Variants in KATNA1 observed in about 807,000 individuals in gnomAD.
The protein encoded by KATNA1 is katanin p60 ATPase-containing subunit A1.
KATNA1 carries 42 observed loss-of-function variants against 62.6 expected under a neutral mutation model. The observed-to-expected ratio is 0.67, with a 90% CI of 0.52 to 0.87. KATNA1 has a LOEUF of 0.87. KATNA1 is among the 40% of genes least tolerant of loss of function. The probability of loss-of-function intolerance (pLI) is 0.00; values close to 1 mark genes in which losing one functional copy is unlikely to be tolerated. For missense variants in KATNA1, 498 were observed against 612.5 expected, an observed-to-expected ratio of 0.81 and a Z score of 1.97; for synonymous variants, 186 against 201.9, an observed-to-expected ratio of 0.92 and a Z score of 0.67.
chr6:149,640,186 T>A (rs1780226370), intron 1 of KATNA1, among the ~76,000 whole-genome samples: 1 of 152,236 alleles, frequency 6.6e-6, no homozygotes, highest in African/African-American at 2.4e-5. Context: ...CTTCAATAAA[T>A]GTTAAATGTG....
At chr6:149,647,453 G>A (rs1265276168) in intron 1 of KATNA1, among the ~76,000 whole-genome samples, 5 of 149,786 alleles carry the variant, frequency 3.3e-5, no homozygotes, top group African/African-American at 1.2e-4. Context: ...AACCCGGGAG[G>A]CGGAGGTTGC....
At chr6:149,609,814 A>AAAAAAAAAAAAAAAAAAAAAAAG (rs1562284874) in intron 4 of KATNA1, among the ~76,000 whole-genome samples, 1 of 141,558 alleles carries the variant, frequency 7.1e-6, no homozygotes, top group Admixed American at 7.2e-5. Flanking sequence ...AAAAAAAAAA[A>AAAAAAAAAAAAAAAAAAAAAAAG]AATAGGCCAG....
chr6:149,647,521 C>CAAAAAAAAAAAAAAAAAAAAAAAAAA (rs10719474), intron 1 of KATNA1, among the ~76,000 whole-genome samples: 1 of 46,858 alleles, frequency 2.1e-5, no homozygotes, highest in Non-Finnish European at 4.1e-5. Flanking sequence ...GACTCCGTCT[C>CAAAAAAAAAAAAAAAAAAAAAAAAAA]AAAAAAAAAA....
chr6:149,598,416 A>ATTAGCAATCAGAAAATAGCTGAGG, intron 7 of KATNA1, 66 bp from the exon 8 acceptor site: 2 of 1,526,496 alleles, frequency 1.3e-6, no homozygotes, highest in Non-Finnish European at 1.8e-6. Flanking sequence ...TAATCTACAG[A>ATTAGCAATCAGAAAATAGCTGAGG]TTAGCAATCA....
At chr6:149,612,522 A>T (rs547298969) in intron 4 of KATNA1, among the ~76,000 whole-genome samples, 66 of 152,286 alleles carry the variant, frequency 4.3e-4, no homozygotes, top group East Asian at 5.8e-4. Context: ...AAAAATTTTT[A>T]AAAAAGAATT....
chr6:149,616,921 A>C (rs9766037), intron 4 of KATNA1, among the ~76,000 whole-genome samples: 70,129 of 152,034 alleles, frequency 0.46, 17,495 homozygotes, highest in East Asian at 0.81. Flanking sequence ...GTACATCAAC[A>C]AATGAATGAT....
intron 4 of KATNA1, among the ~76,000 whole-genome samples, chr6:149,606,616 CTTT>C (rs900353338): frequency 3.7e-5 from 5 of 136,390 alleles, no homozygotes; most frequent in Non-Finnish European, 4.8e-5. Context: ...AACTGTGTAA[CTTT>C]TTTTTTTTTT....
chr6:149,617,048 A>C lies in KATNA1; in HGVS notation c.501+6055T>G, dbSNP rs116428433. On this transcript the variant is annotated intron_variant, in intron 4 of 10. Coordinates refer to ENST00000367411, the MANE Select transcript of KATNA1 (RefSeq NM_007044.4). The stretch of plus-strand genomic sequence containing the variant: ...AAACACTATGCTAAGTAAAACAAGT[A>C]AGTCACAAAAGGGAAAATACTGTAT... 5.9e-3 allele frequency among the ~76,000 whole-genome samples: 902 copies of C among 152,346 alleles called. 9 individuals are homozygous for C. The highest frequency in any genetic ancestry group is 0.021 in the African/African-American group (864 of 41,570).
rs77930817 is a variant in KATNA1, at chr6:149,620,294, G to T, written c.501+2809C>A. On this transcript the variant is annotated intron_variant, in intron 4 of 10. Transcript: ENST00000367411. ...TATAGTGCTATAGGGTGACTGTAAT[G>T]ACTATTATTTTTTAATTTTTTTGAG... Among the ~76,000 whole-genome samples the T allele has an allele frequency of 3.6e-3, 553 of 152,124 alleles. 3 individuals carry two copies. The highest frequency in any genetic ancestry group is 0.013 in the African/African-American group (526 of 41,516).
At position 149,601,295 on chromosome 6, in the gene KATNA1, C is replaced by T. The variant is rs552383587; in HGVS notation, c.888+299G>A. Among the ~76,000 whole-genome samples the T allele has an allele frequency of 8.5e-5, 13 of 152,270 alleles. 2 individuals are homozygous for T. The South Asian group carries it at 2.5e-3, about 29-fold the overall frequency. ...CAATACTGTGGTTATCATATTATAACTAAACCTATTGATTTAAAAAACATA... is the reference window on the plus strand; with the variant it reads ...CAATACTGTGGTTATCATATTATAATTAAACCTATTGATTTAAAAAACATA... On this transcript the variant is annotated intron_variant, in intron 7 of 10. Coordinates refer to ENST00000367411, the MANE Select transcript of KATNA1 (RefSeq NM_007044.4).
intron 4 of KATNA1, among the ~76,000 whole-genome samples, chr6:149,610,429 T>C (rs1448982165): frequency 6.6e-6 from 1 of 151,910 alleles, no homozygotes; most frequent in Non-Finnish European, 1.5e-5. Flanking sequence ...TCACAGAACA[T>C]ATACCAAAAC....
chr6:149,620,271 T>C (rs1034926989), intron 4 of KATNA1, among the ~76,000 whole-genome samples: 1 of 152,122 alleles, frequency 6.6e-6, no homozygotes, highest in Non-Finnish European at 1.5e-5. Context: ...TAGTGTTCTA[T>C]AGTGCTATAG....
rs371670759 is a variant in KATNA1, at chr6:149,625,700, G to A, written c.321-2417C>T. Among the ~76,000 whole-genome samples the A allele has an allele frequency of 1.4e-4, 21 of 151,994 alleles. No homozygotes were observed. The East Asian group carries it at 2.5e-3, about 18-fold the overall frequency. Reference sequence around the variant, plus strand: ...TGTAATTCCAGTACTGTGGGAGGCCGAGGCAGGTGGATCACCTGAGGTCAG... The same window carrying A: ...TGTAATTCCAGTACTGTGGGAGGCCAAGGCAGGTGGATCACCTGAGGTCAG... On this transcript the variant is annotated intron_variant, in intron 3 of 10. Transcript: ENST00000367411.
intron 4 of KATNA1, among the ~76,000 whole-genome samples, chr6:149,605,089 T>G (rs1177794506): frequency 2.0e-5 from 3 of 150,964 alleles, no homozygotes; most frequent in Admixed American, 6.6e-5. Context: ...AGGAGAACAG[T>G]GTGAACCCGG....
chr6:149,629,014 A>G (rs1003904676), intron 3 of KATNA1, among the ~76,000 whole-genome samples: 14 of 152,174 alleles, frequency 9.2e-5, no homozygotes, highest in African/African-American at 2.9e-4. Flanking sequence ...AAAATCAGGA[A>G]CAGAAAACGA....
chr6:149,615,676 G>C (rs1265392577), intron 4 of KATNA1, among the ~76,000 whole-genome samples: 1 of 152,060 alleles, frequency 6.6e-6, no homozygotes, highest in Non-Finnish European at 1.5e-5. Flanking sequence ...AACTACCTGG[G>C]AGGCTGGGTA....
At chr6:149,637,508 T>C (rs1205180510) in intron 2 of KATNA1, among the ~76,000 whole-genome samples, 4 of 152,062 alleles carry the variant, frequency 2.6e-5, no homozygotes, top group Non-Finnish European at 5.9e-5. Flanking sequence ...AAAAATCTGA[T>C]CAAAAAATGT....
chr6:149,637,564 T>C (rs964661792), intron 2 of KATNA1, among the ~76,000 whole-genome samples: 2 of 151,926 alleles, frequency 1.3e-5, no homozygotes, highest in Non-Finnish European at 2.9e-5. Flanking sequence ...TGGTGGCTCA[T>C]GCCTGTAATC....
intron 7 of KATNA1, among the ~76,000 whole-genome samples, chr6:149,600,194 TA>T (rs67468519): frequency 0.37 from 25,003 of 67,858 alleles, 4,294 homozygotes; most frequent in Non-Finnish European, 0.43. Flanking sequence ...GAGCTTATCT[TA>T]AAAAAAAAAA....
Sources: allele counts gnomAD v4.1 joint callset (sites outside exome capture counted in the v4.1 genomes callset), GRCh38; gene constraint gnomAD v4.1.1; transcripts MANE v1.5; gene names NCBI Gene and HGNC (gene_info 2026-07-23, HGNC 2026-07-21).